RIC1: variants seen among roughly 807,000 people sequenced by gnomAD.
RIC1 encodes the protein RIC1 partner of RAB6A GEF complex, also known as guanine nucleotide exchange factor subunit RIC1.
A neutral mutation model predicts 169.0 loss-of-function variants in RIC1; 88 were observed. The observed-to-expected ratio is 0.52, with a 90% CI of 0.44 to 0.62. RIC1 has a LOEUF of 0.62. Ranked by LOEUF, RIC1 falls within the 20% of genes least tolerant of loss-of-function variation. The pLI, the probability that RIC1 is intolerant of heterozygous loss-of-function variation, is 0.00. For synonymous variants in RIC1, 790 were observed against 601.5 expected (o/e 1.31, Z -4.59); for missense variants, 1,877 against 1,725.5 (o/e 1.09, Z -1.56).
intron 3 of RIC1, among the ~76,000 whole-genome samples, chr9:5,695,121 C>T (rs1821813367): frequency 6.6e-6 from 1 of 152,136 alleles, no homozygotes; most frequent in African/African-American, 2.4e-5. Context: ...TGGTCAGTGT[C>T]TTCACTGAGA....
chr9:5,645,406 A>G (rs1818455247), intron 1 of RIC1, among the ~76,000 whole-genome samples: 1 of 152,214 alleles, frequency 6.6e-6, no homozygotes, highest in Non-Finnish European at 1.5e-5. Flanking sequence ...GTCTTGATAC[A>G]AATTATTTAG....
rs1207669281 is a variant in RIC1, at chr9:5,765,565, C to A, written c.2993C>A (p.Thr998Lys). The change falls in exon 20 of 26, where the codon ACA (threonine) becomes AAA (lysine). Residue 998 changes from threonine (T) to lysine (K), a missense_variant. By Grantham distance (78) the Thr-to-Lys change is moderately conservative. Around this residue, in one of 3 missense-constraint regions of RIC1, gnomAD observed 681 missense variants for 582.0 expected, o/e 1.17. Coordinates refer to ENST00000414202, the MANE Select transcript of RIC1 (RefSeq NM_020829.4). ...GESETPPSTP[T>K]AQEPSSSGGF... is the part of the protein sequence containing the mutation. ...TCTGAGACACCTCCATCCACACCCACAGCTCAGGTTAGTTGCAAAAGTTAC... is the reference window on the plus strand; with the variant it reads ...TCTGAGACACCTCCATCCACACCCAAAGCTCAGGTTAGTTGCAAAAGTTAC... 6.2e-7 allele frequency: 1 copy of A among 1,614,054 alleles called. No individual in the cohort carries two copies. Among genetic ancestry groups the A allele is most frequent in the Non-Finnish European group, 8.5e-7 (1 of 1,179,918 alleles).
Position 5,727,177 on chromosome 9 carries a change from A to C in RIC1, c.721-5211A>C, listed in dbSNP as rs374107558. 3.4e-4 allele frequency among the ~76,000 whole-genome samples: 52 copies of C among 152,298 alleles called. No individual in the cohort carries two copies. The East Asian group carries it at 6.0e-3, about 17-fold the overall frequency. On this transcript the variant is annotated intron_variant, in intron 6 of 25. Transcript: ENST00000414202. ...CCAACTTGGTTCCATTCTCCCCGTCACTTTCAGGTACAGCAGTCAGACGTA... is the reference window on the plus strand; with the variant it reads ...CCAACTTGGTTCCATTCTCCCCGTCCCTTTCAGGTACAGCAGTCAGACGTA...
At position 5,774,441 on chromosome 9, in the gene RIC1, C is replaced by T; in HGVS notation, c.*195C>T. On this transcript the variant is annotated 3_prime_UTR_variant, in exon 26 of 26. Coordinates refer to ENST00000414202, the MANE Select transcript of RIC1 (RefSeq NM_020829.4). ...TAAAAATGTGATATAAAGCATCTTT[C>T]ATAAAAAAATTTTAAGCTGCAGTGA... 2.1e-6 allele frequency: 1 copy of T among 474,420 alleles called. No homozygotes were observed. The highest frequency in any genetic ancestry group is 3.6e-6 in the Non-Finnish European group (1 of 280,366). The allele number at this position is 474,420 out of a possible 1,614,324, so 29.4% of individuals were successfully genotyped here.
intron 19 of RIC1, 80 bp from the exon 20 acceptor site, chr9:5,765,334 A>G: frequency 6.9e-7 from 1 of 1,453,262 alleles, no homozygotes; most frequent in Non-Finnish European, 9.3e-7. Flanking sequence ...CTTTGAGTTT[A>G]GAAAACGAGA....
chr9:5,693,841 C>T (rs1002360773), intron 3 of RIC1, among the ~76,000 whole-genome samples: 1 of 151,798 alleles, frequency 6.6e-6, no homozygotes, highest in Non-Finnish European at 1.5e-5. Flanking sequence ...CCCCTTCTTC[C>T]TGTCTTTTCA....
intron 7 of RIC1, among the ~76,000 whole-genome samples, chr9:5,738,159 C>A (rs1173078199): frequency 6.6e-6 from 1 of 151,958 alleles, no homozygotes; most frequent in African/African-American, 2.4e-5. Context: ...CATTTTTTTC[C>A]TCATGTTGCT....
chr9:5,641,554 T>G (rs1818248461), intron 1 of RIC1, among the ~76,000 whole-genome samples: 1 of 152,080 alleles, frequency 6.6e-6, no homozygotes, highest in Non-Finnish European at 1.5e-5. Context: ...GGCCAATACC[T>G]CTTATATTTG....
chr9:5,703,369 T>C (rs1482470552), intron 3 of RIC1, among the ~76,000 whole-genome samples: 1 of 152,194 alleles, frequency 6.6e-6, no homozygotes, highest in Non-Finnish European at 1.5e-5. Context: ...ATGTCTCACA[T>C]AGCATTAAGT....
intron 6 of RIC1, among the ~76,000 whole-genome samples, chr9:5,726,377 C>A (rs1372826449): frequency 6.6e-6 from 1 of 152,064 alleles, no homozygotes; most frequent in Non-Finnish European, 1.5e-5. Context: ...GATTGCAACC[C>A]CTGCTTTTTT....
At chr9:5,722,649 T>G (rs1412849963) in intron 6 of RIC1, among the ~76,000 whole-genome samples, 1 of 152,194 alleles carries the variant, frequency 6.6e-6, no homozygotes, top group Non-Finnish European at 1.5e-5. Context: ...GTTGGTGTTC[T>G]GCACCCATTA....
At chr9:5,694,226 C>T (rs1417252438) in intron 3 of RIC1, among the ~76,000 whole-genome samples, 1 of 152,208 alleles carries the variant, frequency 6.6e-6, no homozygotes, top group Non-Finnish European at 1.5e-5. Flanking sequence ...GGGACAGAAG[C>T]ATCTAAATCG....
intron 17 of RIC1, among the ~76,000 whole-genome samples, chr9:5,760,537 A>G (rs1439115915): frequency 6.6e-6 from 1 of 152,120 alleles, no homozygotes; most frequent in Non-Finnish European, 1.5e-5. Context: ...GGTCTTTTGA[A>G]GTGTTTTAGT....
chr9:5,748,144 G>A (rs1825500787), intron 12 of RIC1, among the ~76,000 whole-genome samples: 1 of 152,142 alleles, frequency 6.6e-6, no homozygotes, highest in Non-Finnish European at 1.5e-5. Flanking sequence ...AAACCAGTAA[G>A]TTGAAGTTTC....
intron 2 of RIC1, among the ~76,000 whole-genome samples, chr9:5,679,693 A>T (rs943120133): frequency 1.3e-5 from 2 of 152,200 alleles, no homozygotes; most frequent in African/African-American, 4.8e-5. Flanking sequence ...TTGATTTTGT[A>T]TCCTGAGACT....
intron 3 of RIC1, among the ~76,000 whole-genome samples, chr9:5,709,902 T>C (rs931097301): frequency 3.3e-5 from 5 of 152,322 alleles, no homozygotes; most frequent in Middle Eastern, 3.4e-3. Context: ...TGTAATACTT[T>C]AGTTGTAATA....
intron 12 of RIC1, among the ~76,000 whole-genome samples, chr9:5,748,252 T>C (rs1825506930): frequency 6.6e-6 from 1 of 152,188 alleles, no homozygotes; most frequent in Non-Finnish European, 1.5e-5. Context: ...CACTCTTAGT[T>C]TCTTTTAGTC....
At chr9:5,726,461 T>C (rs1438051758) in intron 6 of RIC1, among the ~76,000 whole-genome samples, 2 of 152,192 alleles carry the variant, frequency 1.3e-5, no homozygotes, top group Non-Finnish European at 2.9e-5. Context: ...GCACGTAAGG[T>C]AGGTCTCCAG....
At chr9:5,737,876 T>G (rs1005407205) in intron 7 of RIC1, among the ~76,000 whole-genome samples, 2 of 151,982 alleles carry the variant, frequency 1.3e-5, no homozygotes, top group Admixed American at 1.3e-4. Flanking sequence ...AATAATGTAC[T>G]TACTATTGAT....
Sources: allele counts gnomAD v4.1 joint callset (sites outside exome capture counted in the v4.1 genomes callset), GRCh38; gene constraint gnomAD v4.1.1; regional missense constraint gnomAD v4.1.1; transcripts MANE v1.5; gene names NCBI Gene and HGNC (gene_info 2026-07-23, HGNC 2026-07-21).